The following CCDC138 variants were observed in gnomAD, a reference collection of about 807,000 sequenced individuals.
The protein encoded by CCDC138 is coiled-coil domain-containing protein 138.
In CCDC138, 66 loss-of-function variants were observed where a neutral mutation model predicts 82.3. The observed-to-expected ratio is 0.80, with a 90% CI of 0.66 to 0.98. CCDC138 has a LOEUF of 0.98. CCDC138 is among the 50% of genes least tolerant of loss of function. CCDC138 has a pLI of 0.00. For missense variants in CCDC138, 816 were observed against 758.9 expected (o/e 1.08, Z -0.88); for synonymous variants, 297 against 265.4 (o/e 1.12, Z -1.16).
intron 12 of CCDC138, among the ~76,000 whole-genome samples, chr2:108,853,024 C>T (rs1691788181): frequency 6.6e-6 from 1 of 151,970 alleles, no homozygotes. Flanking sequence ...ACAAACATCA[C>T]CAAAATACAT....
At chr2:108,838,373 A>G (rs1688926301) in intron 10 of CCDC138, among the ~76,000 whole-genome samples, 1 of 152,238 alleles carries the variant, frequency 6.6e-6, no homozygotes, top group South Asian at 2.1e-4. Flanking sequence ...CATAATCATT[A>G]GTCCGGAGAA....
chr2:108,799,084 G>T (rs79933754), intron 6 of CCDC138, among the ~76,000 whole-genome samples: 1,922 of 152,152 alleles, frequency 0.013, 50 homozygotes, highest in African/African-American at 0.045. Context: ...CAAGCAACTA[G>T]ACAAGATTCA....
At chr2:108,851,574 A>G (rs1691509640) in intron 12 of CCDC138, among the ~76,000 whole-genome samples, 1 of 152,084 alleles carries the variant, frequency 6.6e-6, no homozygotes. Flanking sequence ...AAGTGCTGAT[A>G]TTACAGGCGT....
chr2:108,791,757 A>G lies in CCDC138; in HGVS notation c.349A>G (p.Ser117Gly), dbSNP rs1406043394. ...GTTAATTGAAAATGATTATAGAGTT[A>G]GTACCTCGAAAATAACCAAGCAGTC... is the stretch of plus-strand genomic sequence containing the variant. ...EELIENDYRV[S>G]TSKITKQSFK... Residue 117 changes from serine (S) to glycine (G), a missense_variant, in exon 4 of 15, where the codon AGT becomes GGT. By Grantham distance (56) the Ser-to-Gly change is moderately conservative (BLOSUM62 0). Coordinates refer to ENST00000295124, the MANE Select transcript of CCDC138 (RefSeq NM_144978.3). 1 of 1,601,750 alleles carries G rather than the reference A, an allele frequency of 6.2e-7. No individual in the cohort carries two copies.
Position 108,786,970 on chromosome 2 carries a change from G to C in CCDC138, c.93+55G>C, listed in dbSNP as rs558688846. 5 of 1,255,958 alleles carry C rather than the reference G, an allele frequency of 4.0e-6. No homozygotes were observed. The African/African-American group carries it at 4.8e-5, about 12-fold the overall frequency. 77.8% of individuals were successfully genotyped at this position (1,255,958 alleles called of 1,614,324 possible). A position where few individuals can be genotyped will look rare whatever the true frequency, so the allele number is the denominator to read the frequency against. ...GGCTCCTGCTGCTGGGGGGCGGCCC[G>C]CTCCGTGCCCCGCGCAGCCGGCCTG... On this transcript the variant is annotated intron_variant, in intron 1 of 14. Coordinates refer to ENST00000295124, the MANE Select transcript of CCDC138 (RefSeq NM_144978.3).
At chr2:108,881,785 C>T (rs1172498345) in intron 1 of CCDC138, among the ~76,000 whole-genome samples, 3 of 152,168 alleles carry the variant, frequency 2.0e-5, no homozygotes, top group African/African-American at 7.2e-5. Flanking sequence ...ACAAATTCAT[C>T]AATTAAGTTT....
chr2:108,850,632 T>C (rs1691310340), intron 12 of CCDC138, among the ~76,000 whole-genome samples: 1 of 151,970 alleles, frequency 6.6e-6, no homozygotes, highest in Non-Finnish European at 1.5e-5. Context: ...TTTCTATCTT[T>C]AGTAGACACG....
At chr2:108,864,152 C>T (rs982770549) in intron 13 of CCDC138, among the ~76,000 whole-genome samples, 1 of 151,696 alleles carries the variant, frequency 6.6e-6, no homozygotes, top group East Asian at 1.9e-4. Flanking sequence ...GAAACCCATT[C>T]TCATATTTTG....
intron 13 of CCDC138, among the ~76,000 whole-genome samples, chr2:108,860,046 C>T (rs979126169): frequency 2.0e-5 from 3 of 151,666 alleles, no homozygotes; most frequent in Non-Finnish European, 2.9e-5. Context: ...TCCTAAGTAT[C>T]TTGTGTGTGT....
intron 11 of CCDC138, among the ~76,000 whole-genome samples, chr2:108,843,882 C>CTT (rs1689976564): frequency 6.5e-5 from 3 of 46,312 alleles, no homozygotes; most frequent in Non-Finnish European, 9.1e-5. Flanking sequence ...GTGTGTGTTT[C>CTT]TTTCTTTTTT....
downstream of CCDC138, among the ~76,000 whole-genome samples, chr2:108,878,941 A>G (rs1425614461): frequency 6.6e-6 from 1 of 152,246 alleles, no homozygotes. Context: ...GAAATGAAAT[A>G]TATAGATATA....
At chr2:108,852,378 A>G (rs1459716956) in intron 12 of CCDC138, among the ~76,000 whole-genome samples, 2 of 152,210 alleles carry the variant, frequency 1.3e-5, no homozygotes, top group Non-Finnish European at 2.9e-5. Context: ...AATGCCATTC[A>G]ACCCAACAAT....
Position 108,839,732 on chromosome 2 carries a change from C to T in CCDC138, c.1323+431C>T, listed in dbSNP as rs559668438. 5.9e-5 allele frequency among the ~76,000 whole-genome samples: 9 copies of T among 151,994 alleles called. No individual in the cohort carries two copies. In the South Asian group the frequency reaches 1.5e-3, roughly 25 times the overall value. On this transcript the variant is annotated intron_variant, in intron 11 of 14. Coordinates refer to ENST00000295124, the MANE Select transcript of CCDC138 (RefSeq NM_144978.3). ...TTTTTGTTTATTTTGTATCCTGTGA[C>T]CCTGAGCTTACTAGTTTTAGGAGTT...
chr2:108,803,229 GC>G (rs1228590764), intron 6 of CCDC138, among the ~76,000 whole-genome samples: 9 of 152,196 alleles, frequency 5.9e-5, no homozygotes, highest in African/African-American at 1.9e-4. Context: ...TCTGTCCTGT[GC>G]CCGCCTGAGC....
chr2:108,847,952 C>G (rs1690769861), intron 12 of CCDC138, among the ~76,000 whole-genome samples: 1 of 151,992 alleles, frequency 6.6e-6, no homozygotes. Context: ...GGGATTAGCT[C>G]AAAATAAAGT....
intron 2 of CCDC138, among the ~76,000 whole-genome samples, chr2:108,788,434 A>G (rs573023123): frequency 4.0e-5 from 5 of 125,552 alleles, no homozygotes; most frequent in African/African-American, 1.5e-4. Flanking sequence ...AAAGAAAAAA[A>G]TAGGCTGCGC....
chr2:108,832,442 A>C (rs1052856724), intron 10 of CCDC138, among the ~76,000 whole-genome samples: 1 of 148,356 alleles, frequency 6.7e-6, no homozygotes, highest in Non-Finnish European at 1.5e-5. Context: ...CTGCCTCCCA[A>C]GTTCAAGCGA....
intron 5 of CCDC138, among the ~76,000 whole-genome samples, chr2:108,795,133 T>G (rs1680646023): frequency 6.6e-6 from 1 of 151,376 alleles, no homozygotes; most frequent in African/African-American, 2.4e-5. Context: ...CTTTCGGGTT[T>G]TTTGTTTCTA....
intron 9 of CCDC138, among the ~76,000 whole-genome samples, chr2:108,815,479 T>TG (rs202224838): frequency 0.01 from 1,460 of 144,272 alleles, 35 homozygotes; most frequent in African/African-American, 0.035. Context: ...TTTTTTTTTT[T>TG]TTTTTGAGAT....
Sources: allele counts gnomAD v4.1 joint callset (sites outside exome capture counted in the v4.1 genomes callset), GRCh38; gene constraint gnomAD v4.1.1; transcripts MANE v1.5; gene names NCBI Gene and HGNC (gene_info 2026-07-23, HGNC 2026-07-21).